DPP4: variants seen among roughly 807,000 people sequenced by gnomAD.
The protein encoded by DPP4 is ADCP-2.
In DPP4, 93 loss-of-function variants were observed where a neutral mutation model predicts 122.4. The ratio of observed to expected loss-of-function variants is 0.76; its 90% CI spans 0.64 to 0.90. DPP4 has a LOEUF of 0.90. DPP4 is among the 40% of genes least tolerant of loss of function. The pLI is 0.00. For synonymous variants in DPP4, 321 were observed against 302.9 expected (o/e 1.06, Z -0.62); for missense variants, 914 against 907.3 (o/e 1.01, Z -0.09).
Position 162,019,286 on chromosome 2 carries a change from G to GA in DPP4, c.1245-11dup, listed in dbSNP as rs777872207. The GA allele has an allele frequency of 4.1e-6, 6 of 1,458,764 alleles. No homozygotes were observed. Among genetic ancestry groups the GA allele is most frequent in the African/African-American group, 1.4e-5 (1 of 70,098 alleles). 90.4% of individuals were successfully genotyped at this position (1,458,764 alleles called of 1,614,324 possible). A position where few individuals can be genotyped will look rare whatever the true frequency, so the allele number is the denominator to read the frequency against. On this transcript the variant is annotated splice_polypyrimidine_tract_variant and intron_variant, in intron 14 of 25. Coordinates refer to ENST00000360534, the MANE Select transcript of DPP4 (RefSeq NM_001935.4). ...ATTACTAATGTAGTATCTAGGAAGA[G>GA]AAAAAAATGAAATATATATTAATTA...
rs369950448 is a variant in DPP4 at position 162,073,995 on chromosome 2, T to A, written c.-14A>T. 1.3e-5 allele frequency: 21 copies of A among 1,611,050 alleles called. No homozygotes were observed. In the African/African-American group the frequency reaches 2.4e-4, roughly 18 times the overall value. On this transcript the variant is annotated 5_prime_UTR_variant, in exon 1 of 26. Coordinates refer to ENST00000360534, the MANE Select transcript of DPP4 (RefSeq NM_001935.4). ...ACTCACCTTCATCGTCGGCGTCTCC[T>A]CGGAAGTGAGCGTTCAGAGAAGGAG...
chr2:162,073,944 C>T, intron 1 of DPP4, 32 bp downstream of exon 1: 1 of 1,610,896 alleles, frequency 6.2e-7, no homozygotes. Context: ...CCCCACAGCT[C>T]GCCCCGGGGA....
At position 162,047,393 on chromosome 2, in the gene DPP4, A is replaced by G; in HGVS notation, c.193+10T>C. 2 of 1,508,942 alleles carry G rather than the reference A, an allele frequency of 1.3e-6. No homozygotes were observed. The highest frequency in any genetic ancestry group is 1.8e-6 in the Non-Finnish European group (2 of 1,109,670). The allele number at this position is 1,508,942 out of a possible 1,614,324, so 93.5% of individuals were successfully genotyped here. A position where few individuals can be genotyped will look rare whatever the true frequency, so the allele number is the denominator to read the frequency against. On this transcript the variant is annotated intron_variant, in intron 3 of 25. Coordinates refer to ENST00000360534, the MANE Select transcript of DPP4 (RefSeq NM_001935.4). Reference sequence around the variant, plus strand: ...AGCATAAAATCTGCCCTACCCCAAAAAATTCTTACCTGAAATCCATCTTAA... The same window carrying G: ...AGCATAAAATCTGCCCTACCCCAAAGAATTCTTACCTGAAATCCATCTTAA...
In DPP4 at chr2:162,014,032, A is replaced by T. The variant is rs539816508; in HGVS notation, c.1637+364T>A. Reference sequence around the variant, plus strand: ...AGAGAAACATGAGGCAGCCAGTGGGAGCTGGGGTAAGGGAACTGTCACGAC... The same window carrying T: ...AGAGAAACATGAGGCAGCCAGTGGGTGCTGGGGTAAGGGAACTGTCACGAC... On this transcript the variant is annotated intron_variant, in intron 19 of 25. Transcript: ENST00000360534. Among the ~76,000 whole-genome samples, 3 of 152,258 alleles carry T rather than the reference A, an allele frequency of 2.0e-5. No homozygotes were observed. In the South Asian group the frequency reaches 6.2e-4, roughly 32 times the overall value.
At chr2:162,035,971 G>A (rs1683755115) in intron 8 of DPP4, among the ~76,000 whole-genome samples, 1 of 152,170 alleles carries the variant, frequency 6.6e-6, no homozygotes, top group Non-Finnish European at 1.5e-5. Flanking sequence ...GGGTCAAAGA[G>A]GGAGGCAAAT....
At chr2:162,049,237 GT>G (rs1456018091) in intron 2 of DPP4, among the ~76,000 whole-genome samples, 1 of 152,076 alleles carries the variant, frequency 6.6e-6, no homozygotes. Flanking sequence ...TTCAAACAAT[GT>G]TCTTAAGATT....
intron 18 of DPP4, among the ~76,000 whole-genome samples, chr2:162,015,929 G>A (rs1193294259): frequency 2.0e-5 from 3 of 152,156 alleles, no homozygotes; most frequent in African/African-American, 7.2e-5. Context: ...TACAAATCCA[G>A]AAACCTGGAC....
At chr2:162,031,601 A>G (rs1460122396) in intron 10 of DPP4, among the ~76,000 whole-genome samples, 1 of 152,002 alleles carries the variant, frequency 6.6e-6, no homozygotes, top group Non-Finnish European at 1.5e-5. Context: ...TTTCCGCCTC[A>G]GTGTCCTTCC....
Position 162,033,583 on chromosome 2 carries a change from G to C in DPP4, c.845C>G (p.Ala282Gly). The C allele has an allele frequency of 6.2e-7, 1 of 1,613,140 alleles. No homozygotes were observed. Among genetic ancestry groups the C allele is most frequent in the Non-Finnish European group, 8.5e-7 (1 of 1,179,586 alleles). ...AGGAGCAGTGATTTGTATGGAAGTT[G>C]CATTGGTGACTGAGCTGAGAGAGTC... is the stretch of plus-strand genomic sequence containing the variant. ...NTDSLSSVTN[A>G]TSIQITAPAS... Residue 282 changes from alanine to glycine, a missense_variant, in exon 10 of 26, where the codon GCA becomes GGA. By Grantham distance (60) the Ala-to-Gly change is moderately conservative (BLOSUM62 0). Transcript: ENST00000360534.
intron 2 of DPP4, among the ~76,000 whole-genome samples, chr2:162,070,370 T>C (rs969862734): frequency 6.6e-6 from 1 of 152,094 alleles, no homozygotes; most frequent in Non-Finnish European, 1.5e-5. Context: ...GTGTGTCTAG[T>C]TTTGCTAAAG....
rs111434412 is a variant in DPP4, at chr2:162,035,932, T to C, written c.614-608A>G. Among the ~76,000 whole-genome samples the C allele has an allele frequency of 8.0e-3, 1,220 of 152,276 alleles. 9 individuals are homozygous for C. Among genetic ancestry groups the C allele is most frequent in the Middle Eastern group, 0.014 (4 of 294 alleles). On this transcript the variant is annotated intron_variant, in intron 8 of 25. Transcript: ENST00000360534. ...ACTCCCTTAGATTAACACACTGCTCTGGTGTATATGCTGATGGGTAAGAGA... is the reference window on the plus strand; with the variant it reads ...ACTCCCTTAGATTAACACACTGCTCCGGTGTATATGCTGATGGGTAAGAGA...
chr2:162,033,561 A>G lies in DPP4; in HGVS notation c.867T>C (p.Ala289=), dbSNP rs113302553. The change falls in exon 10 of 26, where the codon GCT becomes GCC. Residue 289 remains alanine (A), a synonymous_variant. Transcript: ENST00000360534. The part of the protein sequence containing the change: ...VTNATSIQIT[A]PASMLIGDHY... ...CTTACCCTATCAACATAGAAGCAGG[A>G]GCAGTGATTTGTATGGAAGTTGCAT... 208 of 1,612,892 alleles carry G rather than the reference A, an allele frequency of 1.3e-4. 1 individual carries two copies. In the African/African-American group the frequency reaches 2.6e-3, roughly 20 times the overall value.
At chr2:162,068,134 A>G (rs562504354) in intron 2 of DPP4, among the ~76,000 whole-genome samples, 2 of 152,328 alleles carry the variant, frequency 1.3e-5, no homozygotes, top group Admixed American at 6.5e-5. Context: ...CTAAAAATCG[A>G]AACCATTCAA....
At chr2:161,995,506 G>A in intron 23 of DPP4, 134 bp from the exon 24 acceptor site, 1 of 722,558 alleles carries the variant, frequency 1.4e-6, no homozygotes. Flanking sequence ...CGATATTCAA[G>A]CAAATGCTGT....
intron 11 of DPP4, among the ~76,000 whole-genome samples, chr2:162,024,039 C>G (rs1683229076): frequency 6.6e-6 from 1 of 152,192 alleles, no homozygotes; most frequent in African/African-American, 2.4e-5. Context: ...GGCTCCAGGT[C>G]TGGGAGGTGA....
intron 21 of DPP4, 129 bp downstream of exon 21, chr2:162,009,112 C>G: frequency 1.1e-6 from 1 of 917,176 alleles, no homozygotes; most frequent in South Asian, 1.5e-5. Context: ...TGCAGAGTTA[C>G]TGCCCAGAGA....
intron 23 of DPP4, among the ~76,000 whole-genome samples, chr2:162,001,485 T>C (rs1459290209): frequency 6.6e-6 from 1 of 152,242 alleles, no homozygotes; most frequent in East Asian, 1.9e-4. Context: ...TTCAAATTCA[T>C]CTTTTATTAC....
At chr2:162,047,723 T>C (rs1684239068) in intron 2 of DPP4, among the ~76,000 whole-genome samples, 1 of 152,194 alleles carries the variant, frequency 6.6e-6, no homozygotes, top group Non-Finnish European at 1.5e-5. Flanking sequence ...CACTCTGCTG[T>C]ATTATGCTAT....
At chr2:162,062,196 C>T (rs1441901945) in intron 2 of DPP4, among the ~76,000 whole-genome samples, 1 of 151,926 alleles carries the variant, frequency 6.6e-6, no homozygotes, top group Non-Finnish European at 1.5e-5. Flanking sequence ...GCGGGAGAAT[C>T]GCTTGAAACT....
Sources: gnomAD v4.1 joint callset for allele counts (sites outside exome capture counted in the v4.1 genomes callset) on GRCh38, gnomAD v4.1.1 for gene constraint, MANE v1.5 for transcripts, NCBI Gene and HGNC (gene_info 2026-07-23, HGNC 2026-07-21) for gene names.